SPOP: variants seen among roughly 807,000 people sequenced by gnomAD.
The protein encoded by SPOP is speckle type BTB/POZ protein, also known as speckle-type POZ protein.
Under a neutral mutation model 45.6 loss-of-function variants are expected in SPOP, and 11 were observed. The observed-to-expected ratio is 0.24, with a 90% CI of 0.15 to 0.40. The LOEUF (loss-of-function observed/expected upper bound fraction) is 0.40, where lower values mean the gene tolerates loss of function less well. Ranked by LOEUF, SPOP falls within the 10% of genes least tolerant of loss-of-function variation. The pLI is 1.00. For synonymous variants in SPOP, 166 were observed against 166.3 expected (o/e 1.00, Z 0.01); for missense variants, 152 against 465.6 (o/e 0.33, Z 6.20).
At chr17:49,662,234 A>G (rs1312381343) in intron 1 of SPOP, among the ~76,000 whole-genome samples, 2 of 151,994 alleles carry the variant, frequency 1.3e-5, no homozygotes, top group African/African-American at 4.8e-5. Context: ...TTTTCAAAAT[A>G]TATTCAAGTG....
chr17:49,603,521 G>A (rs1355577773), intron 8 of SPOP, among the ~76,000 whole-genome samples: 1 of 152,162 alleles, frequency 6.6e-6, no homozygotes, highest in Non-Finnish European at 1.5e-5. Flanking sequence ...CCAAGAGATG[G>A]AAATTGTGTC....
chr17:49,614,611 A>G (rs1412521775), intron 5 of SPOP, among the ~76,000 whole-genome samples: 3 of 152,182 alleles, frequency 2.0e-5, no homozygotes, highest in Non-Finnish European at 4.4e-5. Flanking sequence ...GTATATTCTC[A>G]TGCTTTATAA....
chr17:49,654,333 T>A (rs2072879887), intron 1 of SPOP, among the ~76,000 whole-genome samples: 1 of 152,164 alleles, frequency 6.6e-6, no homozygotes, highest in Non-Finnish European at 1.5e-5. Context: ...ACTCAAGTGA[T>A]CCTCCTACCC....
rs143352458 is a variant in SPOP at position 49,620,105 on chromosome 17, G to C, written c.201-720C>G. ...GAATCGCTTGAACCTGGGAGGCAGA[G>C]GTTGCAGTGAGCTGAGATCACACCA... On this transcript the variant is annotated intron_variant, in intron 3 of 9. Coordinates refer to ENST00000504102, the MANE Select transcript of SPOP (RefSeq NM_001007228.2). 3.5e-4 allele frequency among the ~76,000 whole-genome samples: 53 copies of C among 152,158 alleles called. No homozygotes were observed. The East Asian group carries it at 9.7e-3, about 28-fold the overall frequency.
rs1365558763 is a variant in SPOP, at chr17:49,600,028, C to G, written c.*350G>C. ...TTCTTTTTTTTTTTTCCTTTTTGCT[C>G]CAGGCACCTGACGATTTGTTCTGCT... On this transcript the variant is annotated 3_prime_UTR_variant, in exon 10 of 10. Transcript: ENST00000504102. The surrounding 1 kb of genome is among the most constrained non-coding windows in gnomAD (Gnocchi z 4.2). 8.0e-6 allele frequency: 2 copies of G among 249,820 alleles called. No homozygotes were observed. The highest frequency in any genetic ancestry group is 1.2e-4 in the East Asian group (2 of 17,054). The allele number at this position is 249,820 out of a possible 1,614,324, so 15.5% of individuals were successfully genotyped here. A position where few individuals can be genotyped will look rare whatever the true frequency, so the allele number is the denominator to read the frequency against.
At chr17:49,627,096 A>G (rs1296468460) in intron 1 of SPOP, among the ~76,000 whole-genome samples, 2 of 152,106 alleles carry the variant, frequency 1.3e-5, no homozygotes, top group East Asian at 1.9e-4. Flanking sequence ...TGATTTGCCC[A>G]CCTTGGCCTC....
intron 1 of SPOP, among the ~76,000 whole-genome samples, chr17:49,636,602 C>G (rs1305325815): frequency 6.6e-6 from 1 of 152,136 alleles, no homozygotes; most frequent in Non-Finnish European, 1.5e-5. Context: ...ATGACTTTAA[C>G]TTTTTAACTT....
intron 1 of SPOP, among the ~76,000 whole-genome samples, chr17:49,627,865 G>C (rs2072368858): frequency 6.6e-6 from 1 of 152,122 alleles, no homozygotes; most frequent in African/African-American, 2.4e-5. Flanking sequence ...CAGAACTGGA[G>C]AATCTGTCTC....
intron 6 of SPOP, 120 bp from the exon 7 acceptor site, chr17:49,608,049 C>T: frequency 1.5e-6 from 1 of 669,706 alleles, no homozygotes; most frequent in East Asian, 2.8e-5. Context: ...AAGGTCTCTA[C>T]CTCAATTTAC....
intron 6 of SPOP, 44 bp from the exon 7 acceptor site, chr17:49,607,973 A>C: frequency 1.3e-6 from 2 of 1,592,874 alleles, no homozygotes; most frequent in Non-Finnish European, 1.7e-6. Flanking sequence ...TATCACAGTG[A>C]AATCTCTTGG....
intron 6 of SPOP, among the ~76,000 whole-genome samples, chr17:49,609,332 C>T (rs1371795419): frequency 6.6e-6 from 1 of 152,118 alleles, no homozygotes; most frequent in Non-Finnish European, 1.5e-5. Context: ...GGGTTACAGA[C>T]CATAGAGAAC....
intron 1 of SPOP, 94 bp from the exon 2 acceptor site, chr17:49,622,970 C>T: frequency 3.2e-6 from 2 of 621,100 alleles, no homozygotes; most frequent in South Asian, 2.1e-5. Context: ...AATTTTGTCT[C>T]CACATTGTTT....
At chr17:49,607,102 G>A in intron 8 of SPOP, 148 bp downstream of exon 8, 1 of 885,784 alleles carries the variant, frequency 1.1e-6, no homozygotes, top group Non-Finnish European at 1.7e-6. Context: ...TAATAATTGT[G>A]TTGGAATAAT....
intron 3 of SPOP, among the ~76,000 whole-genome samples, chr17:49,621,540 G>GA (rs2072221800): frequency 6.6e-6 from 1 of 152,150 alleles, no homozygotes; most frequent in African/African-American, 2.4e-5. Flanking sequence ...TGCTTTTCTT[G>GA]AAAAATCAGA....
chr17:49,641,660 TTATTAA>T (rs1164185730), intron 1 of SPOP, among the ~76,000 whole-genome samples: 2 of 152,220 alleles, frequency 1.3e-5, no homozygotes, highest in Non-Finnish European at 1.5e-5. Flanking sequence ...GTTTATGCAC[TTATTAA>T]TATTAATGAG....
In SPOP at chr17:49,641,263, CAAAAAAAAAAAAA is replaced by C. The variant is rs34207707; in HGVS notation, c.-66-18400_-66-18388del. On this transcript the variant is annotated intron_variant, in intron 1 of 9. Coordinates refer to ENST00000504102, the MANE Select transcript of SPOP (RefSeq NM_001007228.2). ...GGATGACAGAGCAAGACTCTGTCTC[CAAAAAAAAAAAAA>C]AAAAAAAAAAAAAAGCAATTCCCTC... 2.3e-4 allele frequency among the ~76,000 whole-genome samples: 11 copies of C among 47,568 alleles called. No homozygotes were observed. In the East Asian group the frequency reaches 3.9e-3, roughly 17 times the overall value. 31.2% of individuals were successfully genotyped at this position (47,568 alleles called of 152,430 possible). A position where few individuals can be genotyped will look rare whatever the true frequency, so the allele number is the denominator to read the frequency against.
chr17:49,665,905 A>AT (rs2073051472), intron 1 of SPOP, among the ~76,000 whole-genome samples: 1 of 151,062 alleles, frequency 6.6e-6, no homozygotes. Context: ...AATTGCCTGA[A>AT]CCCAGGAGGC....
intron 1 of SPOP, among the ~76,000 whole-genome samples, chr17:49,643,450 A>C (rs957376860): frequency 1.3e-5 from 2 of 152,262 alleles, no homozygotes; most frequent in Non-Finnish European, 2.9e-5. Context: ...ATTTAAATGT[A>C]ATAATTCTAA....
intron 1 of SPOP, among the ~76,000 whole-genome samples, chr17:49,670,616 CCA>C (rs1441283897): frequency 1.3e-5 from 2 of 152,122 alleles, no homozygotes; most frequent in Non-Finnish European, 2.9e-5. Context: ...ACTCCGAAAC[CCA>C]CTTTAGAATG....
Sources: gnomAD v4.1 joint callset for allele counts (sites outside exome capture counted in the v4.1 genomes callset) on GRCh38, gnomAD v4.1.1 for gene constraint, Gnocchi (gnomAD v3.1) non-coding constraint, MANE v1.5 for transcripts, NCBI Gene and HGNC (gene_info 2026-07-23, HGNC 2026-07-21) for gene names.